The following GMDS variants were observed in gnomAD, a reference collection of about 807,000 sequenced individuals.
GMDS encodes the protein GDP-mannose 4,6 dehydratase.
Under a neutral mutation model 49.9 loss-of-function variants are expected in GMDS, and 20 were observed. That is an observed-to-expected ratio of 0.40 (90% CI 0.28 to 0.58). The LOEUF (loss-of-function observed/expected upper bound fraction) is 0.58. Ranked by LOEUF, GMDS falls within the 20% of genes least tolerant of loss-of-function variation. GMDS has a pLI of 0.42. For synonymous variants in GMDS, 177 were observed against 178.6 expected, an observed-to-expected ratio of 0.99 and a Z score of 0.07; for missense variants, 362 against 481.4, an observed-to-expected ratio of 0.75 and a Z score of 2.32.
chr6:1,664,577 G>A (rs566726289), intron 9 of GMDS, among the ~76,000 whole-genome samples: 5 of 152,268 alleles, frequency 3.3e-5, no homozygotes, highest in East Asian at 3.9e-4. Context: ...ATCACATAAC[G>A]AAGCTGAAAG....
At chr6:1,671,007 A>G (rs2113279601) in intron 9 of GMDS, among the ~76,000 whole-genome samples, 1 of 152,260 alleles carries the variant, frequency 6.6e-6, no homozygotes, top group South Asian at 2.1e-4. Flanking sequence ...ATTCTAGACA[A>G]TGAAGCTCAT....
intron 7 of GMDS, among the ~76,000 whole-genome samples, chr6:1,904,820 C>T (rs577274539): frequency 1.3e-5 from 2 of 152,210 alleles, no homozygotes; most frequent in Non-Finnish European, 2.9e-5. Flanking sequence ...AGCCCTGTTC[C>T]CTCCTTGGGG....
At chr6:1,991,854 G>A (rs1213742850) in intron 4 of GMDS, among the ~76,000 whole-genome samples, 5 of 152,202 alleles carry the variant, frequency 3.3e-5, no homozygotes, top group African/African-American at 9.6e-5. Flanking sequence ...ACAGTCCACC[G>A]TGACTGGTGT....
Position 2,117,385 on chromosome 6 carries a change from G to T in GMDS, c.235+84C>A, listed in dbSNP as rs1774901231. 5 of 817,350 alleles carry T rather than the reference G, an allele frequency of 6.1e-6. No homozygotes were observed. The South Asian group carries it at 7.1e-5, about 12-fold the overall frequency. The allele number at this position is 817,350 out of a possible 1,614,324, so 50.6% of individuals were successfully genotyped here. A position where few individuals can be genotyped will look rare whatever the true frequency, so the allele number is the denominator to read the frequency against. ...TGACTTGTTGGGCTTTGACAAAAAT[G>T]ACATTTGAAAACACCTTATCTGAAC... On this transcript the variant is annotated intron_variant, in intron 3 of 10. Transcript: ENST00000380815.
chr6:2,077,985 C>A (rs545892831), intron 4 of GMDS, among the ~76,000 whole-genome samples: 9 of 152,090 alleles, frequency 5.9e-5, no homozygotes, highest in Non-Finnish European at 1.2e-4. Flanking sequence ...TTCAGGCTTT[C>A]TGTTTTTTCC....
chr6:2,061,629 G>T (rs1255391452), intron 4 of GMDS, among the ~76,000 whole-genome samples: 1 of 140,966 alleles, frequency 7.1e-6, no homozygotes, highest in African/African-American at 2.6e-5. Context: ...AGAGGCACAA[G>T]AAATGCTTGA....
At chr6:1,984,799 T>C (rs995009499) in intron 4 of GMDS, among the ~76,000 whole-genome samples, 1 of 152,174 alleles carries the variant, frequency 6.6e-6, no homozygotes, top group Non-Finnish European at 1.5e-5. Flanking sequence ...TAGGCCACAA[T>C]TCCCACTGCT....
At chr6:2,074,802 C>A (rs1003745668) in intron 4 of GMDS, among the ~76,000 whole-genome samples, 1 of 152,134 alleles carries the variant, frequency 6.6e-6, no homozygotes, top group Admixed American at 6.5e-5. Flanking sequence ...CCATGCCTGA[C>A]CACATTTAAG....
At chr6:2,029,201 C>CT (rs1229154344) in intron 4 of GMDS, among the ~76,000 whole-genome samples, 1 of 152,092 alleles carries the variant, frequency 6.6e-6, no homozygotes, top group Non-Finnish European at 1.5e-5. Context: ...CTTTTGGCTT[C>CT]TTCCATCTCT....
chr6:1,762,934 T>G (rs1020221001), intron 7 of GMDS, among the ~76,000 whole-genome samples: 2 of 152,242 alleles, frequency 1.3e-5, no homozygotes, highest in Non-Finnish European at 2.9e-5. Flanking sequence ...ATTGAATGTT[T>G]GCTCCAAAAA....
intron 7 of GMDS, among the ~76,000 whole-genome samples, chr6:1,895,207 A>AT (rs1179230552): frequency 2.0e-5 from 3 of 152,092 alleles, no homozygotes; most frequent in African/African-American, 7.2e-5. Flanking sequence ...ATGATTTTTG[A>AT]TGACTGCCCA....
chr6:1,732,510 T>C (rs1766850341), intron 8 of GMDS, among the ~76,000 whole-genome samples: 1 of 152,052 alleles, frequency 6.6e-6, no homozygotes, highest in Non-Finnish European at 1.5e-5. Flanking sequence ...AAAACTCTTG[T>C]TTTGAATAAG....
intron 4 of GMDS, among the ~76,000 whole-genome samples, chr6:1,988,785 A>G (rs2127358998): frequency 6.6e-6 from 1 of 152,316 alleles, no homozygotes; most frequent in East Asian, 1.9e-4. Flanking sequence ...GGATTTTGAA[A>G]TATTTTGAAT....
chr6:1,898,676 AG>A (rs950887991), intron 7 of GMDS, among the ~76,000 whole-genome samples: 1 of 152,220 alleles, frequency 6.6e-6, no homozygotes, highest in Non-Finnish European at 1.5e-5. Flanking sequence ...AATAAAAAAC[AG>A]GATCCAATGC....
chr6:1,791,946 C>T (rs183986896), intron 7 of GMDS, among the ~76,000 whole-genome samples: 22 of 152,154 alleles, frequency 1.4e-4, no homozygotes, highest in South Asian at 1.2e-3. Context: ...CTTCAGAGTC[C>T]CCTTTCAATA....
At chr6:1,650,741 A>AC (rs1554103968) in intron 9 of GMDS, among the ~76,000 whole-genome samples, 9,428 of 150,796 alleles carry the variant, frequency 0.063, 339 homozygotes, top group Admixed American at 0.11. Context: ...TGCCTGGCTA[A>AC]TTTTTTTTTG....
intron 4 of GMDS, among the ~76,000 whole-genome samples, chr6:1,969,018 T>G (rs1294738265): frequency 6.6e-6 from 1 of 151,872 alleles, no homozygotes; most frequent in African/African-American, 2.4e-5. Flanking sequence ...TCCCAGCACT[T>G]TGGGAGGCCG....
At chr6:1,672,220 G>A (rs1368542573) in intron 9 of GMDS, among the ~76,000 whole-genome samples, 8 of 152,148 alleles carry the variant, frequency 5.3e-5, no homozygotes, top group African/African-American at 7.2e-5. Context: ...CCATTGCTGC[G>A]CCATGTTTTC....
At chr6:1,711,258 C>T (rs58177268) in intron 9 of GMDS, among the ~76,000 whole-genome samples, 35,594 of 152,176 alleles carry the variant, frequency 0.23, 4,629 homozygotes, top group African/African-American at 0.35. Context: ...GCCTCAGAGC[C>T]GGCTGCCTCA....
Sources: gnomAD v4.1 joint callset for allele counts (sites outside exome capture counted in the v4.1 genomes callset) on GRCh38, gnomAD v4.1.1 for gene constraint, MANE v1.5 for transcripts, NCBI Gene and HGNC (gene_info 2026-07-23, HGNC 2026-07-21) for gene names.